The following ZNF677 variants were observed in gnomAD, a reference collection of about 807,000 sequenced individuals.
ZNF677 encodes the protein zinc finger protein 677.
A neutral mutation model predicts 8.1 loss-of-function variants in ZNF677; 5 were observed. The ratio of observed to expected loss-of-function variants is 0.62; its 90% CI spans 0.32 to 1.29. The LOEUF is 1.29. Among genes scored for constraint, ZNF677 ranks in the 50% most tolerant of loss-of-function variants. The probability of loss-of-function intolerance (pLI) is 0.05; values close to 1 mark genes in which losing one functional copy is unlikely to be tolerated. For synonymous variants in ZNF677, 221 were observed against 225.6 expected, an observed-to-expected ratio of 0.98 and a Z score of 0.18; for missense variants, 685 against 685.9, an observed-to-expected ratio of 1.00 and a Z score of 0.01.
chr19:53,248,701 T>C (rs2091185928), intron 3 of ZNF677, among the ~76,000 whole-genome samples: 1 of 152,230 alleles, frequency 6.6e-6, no homozygotes, highest in Admixed American at 6.5e-5. Flanking sequence ...TCACTGTACA[T>C]GACAAATTAT....
intron 4 of ZNF677, 54 bp from the exon 5 acceptor site, chr19:53,238,611 A>C: frequency 7.0e-7 from 1 of 1,435,396 alleles, no homozygotes; most frequent in Non-Finnish European, 9.2e-7. Context: ...TTGCAAGGTA[A>C]ATATTTTATT....
chr19:53,251,329 A>G lies in ZNF677; in HGVS notation c.15+207T>C, dbSNP rs28710262. ...TAGGCATAAAACCCTTTCCAGAACA[A>G]TCATCTAAACGGAGCCTTTTCCAAA... On this transcript the variant is annotated intron_variant, in intron 3 of 4. Coordinates refer to ENST00000598513, the MANE Select transcript of ZNF677 (RefSeq NM_182609.4). Among the ~76,000 whole-genome samples the G allele has an allele frequency of 2.9e-3, 437 of 152,276 alleles. 5 individuals carry two copies. The highest frequency in any genetic ancestry group is 0.01 in the African/African-American group (423 of 41,546).
intron 3 of ZNF677, among the ~76,000 whole-genome samples, chr19:53,246,316 C>A (rs12978393): frequency 7.7e-6 from 1 of 129,246 alleles, no homozygotes; most frequent in African/African-American, 3.1e-5. Context: ...AGACTCCGTC[C>A]CAAAAAAAAA....
chr19:53,251,625 T>G lies in ZNF677; in HGVS notation c.-55-20A>C. ...GTCAGTCTGTATGTCAAAAATATGT[T>G]GTTTAATGCTTAAAATCAACACACC... On this transcript the variant is annotated intron_variant, in intron 2 of 4. Coordinates refer to ENST00000598513, the MANE Select transcript of ZNF677 (RefSeq NM_182609.4). 6.3e-7 allele frequency: 1 copy of G among 1,591,048 alleles called. No individual in the cohort carries two copies. Among genetic ancestry groups the G allele is most frequent in the Non-Finnish European group, 8.6e-7 (1 of 1,162,756 alleles).
Position 53,245,884 on chromosome 19 carries a change from C to T in ZNF677, c.16-1987G>A, listed in dbSNP as rs559318895. On this transcript the variant is annotated intron_variant, in intron 3 of 4. Coordinates refer to ENST00000598513, the MANE Select transcript of ZNF677 (RefSeq NM_182609.4). ...AAAATTAGCCAGACGTGGTGGTGGG[C>T]GCCTGTAATCCCAGCTACTCAGGAG... 2.1e-4 allele frequency among the ~76,000 whole-genome samples: 32 copies of T among 152,014 alleles called. No individual in the cohort carries two copies. In the East Asian group the frequency reaches 5.0e-3, roughly 24 times the overall value.
chr19:53,251,388 C>A (rs899440055), intron 3 of ZNF677, 148 bp downstream of exon 3: 5 of 670,832 alleles, frequency 7.5e-6, no homozygotes, highest in Non-Finnish European at 1.3e-5. Flanking sequence ...GAGATGGAAT[C>A]TATGTGGAGA....
At chr19:53,240,684 G>A (rs1372763698) in intron 4 of ZNF677, 1 of 152,338 alleles carries the variant, frequency 6.6e-6, no homozygotes, top group South Asian at 2.1e-4. Flanking sequence ...CCAGGTGCTG[G>A]GGGGAGGGAG....
At chr19:53,240,502 T>G (rs2091032788) in intron 4 of ZNF677, 1 of 152,258 alleles carries the variant, frequency 6.6e-6, no homozygotes, top group African/African-American at 2.4e-5. Context: ...GGCCTCGGCC[T>G]CCCAAAGTGC....
At chr19:53,241,289 G>GT (rs1443755441) in intron 4 of ZNF677, 2 of 152,158 alleles carry the variant, frequency 1.3e-5, no homozygotes, top group African/African-American at 4.8e-5. Context: ...ATGAAAACAT[G>GT]TAACTGCTGA....
chr19:53,238,988 A>G (rs1412125609), intron 4 of ZNF677: 1 of 152,436 alleles, frequency 6.6e-6, no homozygotes, highest in Non-Finnish European at 1.5e-5. Context: ...CTAATAAAAA[A>G]TATTTAAAAA....
rs2090979962 is a variant in ZNF677, at chr19:53,237,196, C to T, written c.1531G>A (p.Gly511Arg). 6.2e-7 allele frequency: 1 copy of T among 1,612,654 alleles called. No individual in the cohort carries two copies. The highest frequency in any genetic ancestry group is 8.5e-7 in the Non-Finnish European group (1 of 1,178,960). ...TCAGTACATTTGTAAGGTTTCTCTC[C>T]AGTATGGATTTTCTTATGCTGAGTA... is the stretch of plus-strand genomic sequence containing the variant. ...NLTQHKKIHT[G>R]EKPYKCTECG... Residue 511 changes from glycine to arginine, a missense_variant, in exon 5 of 5, where the codon GGA (glycine) becomes AGA (arginine). Transcript: ENST00000598513.
rs759954584 is a variant in ZNF677, at chr19:53,243,880, CT to C, written c.32del (p.Lys11ArgfsTer5). On this transcript the variant is annotated frameshift_variant, in exon 4 of 5. Transcript: ENST00000598513. LOFTEE classifies it high-confidence loss of function. MALSQGLFTF[K>X]DVAIEFSQEE... ...CTTGAGAGAATTCTATGGCCACATC[CT>C]TGAATGTAAACAGTCCCTGAAATAA... 6.2e-7 allele frequency: 1 copy of C among 1,602,426 alleles called. No homozygotes were observed.
At chr19:53,254,054 G>A (rs2091276762) in intron 1 of ZNF677, among the ~76,000 whole-genome samples, 1 of 152,166 alleles carries the variant, frequency 6.6e-6, no homozygotes, top group Non-Finnish European at 1.5e-5. Flanking sequence ...AGAAAACGCA[G>A]AAGCCTCACA....
At chr19:53,239,691 T>C (rs532630903) in intron 4 of ZNF677, 1 of 152,140 alleles carries the variant, frequency 6.6e-6, no homozygotes, top group Middle Eastern at 3.4e-3. Context: ...ACTTGACATA[T>C]CTTATTCATA....
intron 2 of ZNF677, among the ~76,000 whole-genome samples, chr19:53,252,208 A>G (rs1174425288): frequency 6.6e-6 from 1 of 152,212 alleles, no homozygotes; most frequent in East Asian, 1.9e-4. Context: ...TGGAGGTCTC[A>G]GAGTCATTTA....
chr19:53,245,698 A>C (rs1429188155), intron 3 of ZNF677, among the ~76,000 whole-genome samples: 5 of 80,482 alleles, frequency 6.2e-5, no homozygotes, highest in Non-Finnish European at 1.3e-4. Context: ...GCCACTATGG[A>C]AACAGTACGG....
At chr19:53,240,562 A>G (rs923735188) in intron 4 of ZNF677, 2 of 152,236 alleles carry the variant, frequency 1.3e-5, no homozygotes, top group Admixed American at 6.5e-5. Context: ...ATTGAAATGC[A>G]TATTATTAAG....
chr19:53,240,754 T>C (rs2091036939), intron 4 of ZNF677: 1 of 152,164 alleles, frequency 6.6e-6, no homozygotes, highest in African/African-American at 2.4e-5. Flanking sequence ...AAGATACTAT[T>C]ATGGAGGATA....
rs1184635774 is a variant in ZNF677 at position 53,237,201 on chromosome 19, T to C, written c.1526A>G (p.His509Arg). 1.4e-5 allele frequency: 23 copies of C among 1,612,760 alleles called. No homozygotes were observed. Among genetic ancestry groups the C allele is most frequent in the Non-Finnish European group, 1.6e-5 (19 of 1,179,094 alleles). ...ACATTTGTAAGGTTTCTCTCCAGTA[T>C]GGATTTTCTTATGCTGAGTAAGATT... ...RSNLTQHKKIHTGEKPYKCTE... is the reference protein window; with the variant it reads ...RSNLTQHKKIRTGEKPYKCTE... Residue 509 changes from histidine to arginine, a missense_variant, in exon 5 of 5, where the codon CAT becomes CGT. Transcript: ENST00000598513.
Sources: gnomAD v4.1 joint callset for allele counts (sites outside exome capture counted in the v4.1 genomes callset) on GRCh38, gnomAD v4.1.1 for gene constraint, MANE v1.5 for transcripts, NCBI Gene and HGNC (gene_info 2026-07-23, HGNC 2026-07-21) for gene names.